The following ACTN4 variants were observed in gnomAD, a reference collection of about 807,000 sequenced individuals.
ACTN4 encodes the protein alpha-actinin-4.
In ACTN4, 18 loss-of-function variants were observed where a neutral mutation model predicts 114.2. The observed-to-expected ratio is 0.16, with a 90% CI of 0.11 to 0.23. The LOEUF is 0.23. Ranked by LOEUF, ACTN4 falls within the 10% of genes least tolerant of loss-of-function variation. ACTN4 has a pLI of 1.00. For missense variants in ACTN4, 722 were observed against 1,262.9 expected, an observed-to-expected ratio of 0.57 and a Z score of 6.49; for synonymous variants, 515 against 506.3, an observed-to-expected ratio of 1.02 and a Z score of -0.23.
At position 38,727,246 on chromosome 19, in the gene ACTN4, A is replaced by G. The variant is rs1327895089; in HGVS notation, c.2337+143A>G. The G allele has an allele frequency of 2.3e-6, 3 of 1,322,256 alleles. No individual in the cohort carries two copies. Among genetic ancestry groups the G allele is most frequent in the African/African-American group, 1.5e-5 (1 of 68,698 alleles). The allele number at this position is 1,322,256 out of a possible 1,614,324, so 81.9% of individuals were successfully genotyped here. A position where few individuals can be genotyped will look rare whatever the true frequency, so the allele number is the denominator to read the frequency against. Reference sequence around the variant, plus strand: ...CTCCCAGGGCCAGCAGGGCCCTGCCACTGTCAGGGTGTAGGTGTGCGGCAC... The same window carrying G: ...CTCCCAGGGCCAGCAGGGCCCTGCCGCTGTCAGGGTGTAGGTGTGCGGCAC... On this transcript the variant is annotated intron_variant, in intron 18 of 20. Transcript: ENST00000252699. This position sits in a 1 kb window ranked among gnomAD's most constrained non-coding sequence, Gnocchi z 5.4.
At chr19:38,673,456 C>CATATATATATATGA (rs1438400673) in intron 1 of ACTN4, among the ~76,000 whole-genome samples, 1 of 71,744 alleles carries the variant, frequency 1.4e-5, no homozygotes, top group Non-Finnish European at 2.9e-5. Flanking sequence ...TATATATATT[C>CATATATATATATGA]ATATATATTT....
At position 38,721,734 on chromosome 19, in the gene ACTN4, G is replaced by C. The variant is rs1156953719; in HGVS notation, c.1442+46G>C. 3.1e-6 allele frequency: 5 copies of C among 1,605,450 alleles called. No homozygotes were observed. The South Asian group carries it at 5.5e-5, about 18-fold the overall frequency. ...CTATCATCACCTGGCTCTCACCACAGCCTGCCCAGACTGGTGGCGGCAGCA... is the reference window on the plus strand; with the variant it reads ...CTATCATCACCTGGCTCTCACCACACCCTGCCCAGACTGGTGGCGGCAGCA... On this transcript the variant is annotated intron_variant, in intron 12 of 20. Transcript: ENST00000252699.
At position 38,730,670 on chromosome 19, in the gene ACTN4, C is replaced by G; in HGVS notation, c.*1238C>G. ...CTGCTCGAGAAGGGCTGTCGCTGTTCTTGTTTCTGAGTGAGGAGTACGCAG... is the reference window on the plus strand; with the variant it reads ...CTGCTCGAGAAGGGCTGTCGCTGTTGTTGTTTCTGAGTGAGGAGTACGCAG... On this transcript the variant is annotated 3_prime_UTR_variant, in exon 21 of 21. Coordinates refer to ENST00000252699, the MANE Select transcript of ACTN4 (RefSeq NM_004924.6). 11 of 683,852 alleles carry G rather than the reference C, an allele frequency of 1.6e-5. No individual in the cohort carries two copies. The allele number at this position is 683,852 out of a possible 1,614,324, so 42.4% of individuals were successfully genotyped here.
In ACTN4 at chr19:38,731,123, G is replaced by A. The variant is rs748311659; in HGVS notation, c.*1691G>A. ...GGTACTCACAGAAGATGCAGGTGAGGTGGGCCACACAGGACACGAACCGCT... is the reference window on the plus strand; with the variant it reads ...GGTACTCACAGAAGATGCAGGTGAGATGGGCCACACAGGACACGAACCGCT... On this transcript the variant is annotated 3_prime_UTR_variant, in exon 21 of 21. Coordinates refer to ENST00000252699, the MANE Select transcript of ACTN4 (RefSeq NM_004924.6). The A allele has an allele frequency of 1.1e-5, 17 of 1,612,308 alleles. No individual in the cohort carries two copies. Among genetic ancestry groups the A allele is most frequent in the Admixed American group, 3.3e-5 (2 of 59,910 alleles).
intron 19 of ACTN4, chr19:38,728,413 C>CCTCCTCCTCCTA: frequency 1.7e-6 from 1 of 591,988 alleles, no homozygotes; most frequent in Non-Finnish European, 2.3e-6. Context: ...GCCACCCGCT[C>CCTCCTCCTCCTA]CTCCTCCTCC....
At chr19:38,656,526 A>G (rs546989750) in intron 1 of ACTN4, among the ~76,000 whole-genome samples, 2 of 152,174 alleles carry the variant, frequency 1.3e-5, no homozygotes, top group Non-Finnish European at 2.9e-5. Flanking sequence ...GCTTATTTAA[A>G]TGTTTTTCTT....
intron 1 of ACTN4, among the ~76,000 whole-genome samples, chr19:38,698,939 C>T (rs900267179): frequency 7.2e-5 from 11 of 152,194 alleles, no homozygotes; most frequent in African/African-American, 2.7e-4. Context: ...GTCAGAGCCC[C>T]CGTAGAAGCC....
At chr19:38,699,769 G>A (rs573214112) in intron 1 of ACTN4, among the ~76,000 whole-genome samples, 126 of 151,336 alleles carry the variant, frequency 8.3e-4, no homozygotes, top group South Asian at 6.3e-4. Flanking sequence ...AAAAAAAAAG[G>A]AAAAAAAAGA....
chr19:38,649,794 G>A (rs1159853594), intron 1 of ACTN4, among the ~76,000 whole-genome samples: 1 of 152,154 alleles, frequency 6.6e-6, no homozygotes, highest in Admixed American at 6.6e-5. Context: ...GGTGGGAAGG[G>A]TGGAAGGAGC....
chr19:38,725,673 G>T (rs747291034), intron 16 of ACTN4, 51 bp from the exon 17 acceptor site: 5 of 1,594,792 alleles, frequency 3.1e-6, no homozygotes, highest in Non-Finnish European at 4.3e-6. Flanking sequence ...CAGGTGGTCA[G>T]TGGGGGCAGG....
intron 1 of ACTN4, among the ~76,000 whole-genome samples, chr19:38,699,863 G>A (rs898980003): frequency 2.6e-5 from 4 of 152,190 alleles, no homozygotes; most frequent in Admixed American, 6.5e-5. Context: ...CGACACAGGC[G>A]TGTGTGCAGG....
chr19:38,702,117 C>T (rs1292634591), intron 3 of ACTN4, among the ~76,000 whole-genome samples: 2 of 152,240 alleles, frequency 1.3e-5, no homozygotes, highest in African/African-American at 2.4e-5. Context: ...AGGCTCTGTT[C>T]CAGCCTTCTG....
At chr19:38,660,520 C>G (rs1157461789) in intron 1 of ACTN4, among the ~76,000 whole-genome samples, 2 of 152,034 alleles carry the variant, frequency 1.3e-5, no homozygotes, top group Admixed American at 6.6e-5. Flanking sequence ...CTCAGCCTCC[C>G]GAGTAGCTGG....
chr19:38,651,363 TCTC>T (rs1976557204), intron 1 of ACTN4, among the ~76,000 whole-genome samples: 1 of 152,152 alleles, frequency 6.6e-6, no homozygotes, highest in African/African-American at 2.4e-5. Context: ...CCATGAGTGT[TCTC>T]CTGGCGGGAT....
Position 38,723,680 on chromosome 19 carries a change from C to G in ACTN4, c.1509C>G (p.Asp503Glu). The change falls in exon 13 of 21, where the codon GAC (aspartate) becomes GAG (glutamate). Residue 503 changes from aspartate to glutamate, a missense_variant. Coordinates refer to ENST00000252699, the MANE Select transcript of ACTN4 (RefSeq NM_004924.6). ...GCCAGAAGATCTGTGACCAGTGGGA[C>G]GCCCTCGGCTCTCTGACACATAGTC... The part of the protein sequence containing the change: ...TRCQKICDQW[D>E]ALGSLTHSRR... The G allele has an allele frequency of 6.2e-7, 1 of 1,613,376 alleles. No individual in the cohort carries two copies. The highest frequency in any genetic ancestry group is 8.5e-7 in the Non-Finnish European group (1 of 1,179,766).
Position 38,724,053 on chromosome 19 carries a change from C to T in ACTN4, c.1668C>T (p.Ile556=), listed in dbSNP as rs932227341. Residue 556 remains isoleucine (I), a synonymous_variant, in exon 14 of 21, where the codon ATC becomes ATT. Coordinates refer to ENST00000252699, the MANE Select transcript of ACTN4 (RefSeq NM_004924.6). This position sits in a 1 kb window ranked among gnomAD's most constrained non-coding sequence, Gnocchi z 7.0. ...TGGAGGACCTCCAGGACATGTTCAT[C>T]GTCCATACCATCGAGGAGATTGAGG... ...SAMEDLQDMF[I]VHTIEEIEGL... is the part of the protein sequence containing the mutation. 23 of 1,613,862 alleles carry T rather than the reference C, an allele frequency of 1.4e-5. No individual in the cohort carries two copies. Among genetic ancestry groups the T allele is most frequent in the South Asian group, 9.9e-5 (9 of 91,082 alleles).
chr19:38,723,415 C>G (rs1969113242), intron 12 of ACTN4, among the ~76,000 whole-genome samples, 199 bp from the exon 13 acceptor site: 1 of 152,182 alleles, frequency 6.6e-6, no homozygotes, highest in African/African-American at 2.4e-5. Context: ...GCTCTGTTAT[C>G]ACCCCTTCCC....
intron 20 of ACTN4, 49 bp from the exon 21 acceptor site, chr19:38,729,225 G>A (rs1177296819): frequency 1.2e-6 from 2 of 1,612,614 alleles, no homozygotes; most frequent in African/African-American, 1.3e-5. Context: ...GGCTGAGGGG[G>A]CCAGTGTGTG....
chr19:38,648,450 A>C (rs1183415365), intron 1 of ACTN4, among the ~76,000 whole-genome samples: 1 of 151,896 alleles, frequency 6.6e-6, no homozygotes, highest in African/African-American at 2.4e-5. Context: ...TGAAGAATCA[A>C]GTGTGAGGAT....
Sources: gnomAD v4.1 joint callset for allele counts (sites outside exome capture counted in the v4.1 genomes callset) on GRCh38, gnomAD v4.1.1 for gene constraint, Gnocchi (gnomAD v3.1) non-coding constraint, MANE v1.5 for transcripts, NCBI Gene and HGNC (gene_info 2026-07-23, HGNC 2026-07-21) for gene names.